TRIML2: variants seen among roughly 807,000 people sequenced by gnomAD.
TRIML2 encodes probable E3 ubiquitin-protein ligase TRIML2.
TRIML2 carries 28 observed loss-of-function variants against 31.2 expected under a neutral mutation model. The observed-to-expected ratio is 0.90, with a 90% CI of 0.66 to 1.23. TRIML2 has a LOEUF of 1.23. TRIML2 is among the 50% of genes most tolerant of loss of function. The pLI is 0.00. For missense variants in TRIML2, 536 were observed against 528.3 expected, an observed-to-expected ratio of 1.01 and a Z score of -0.14; for synonymous variants, 187 against 197.5, an observed-to-expected ratio of 0.95 and a Z score of 0.45.
intron 3 of TRIML2, 46 bp downstream of exon 3, chr4:188,104,791 A>C (rs1454941600): frequency 7.0e-7 from 1 of 1,429,736 alleles, no homozygotes; most frequent in Non-Finnish European, 9.9e-7. Flanking sequence ...TTCTAACAAC[A>C]TTACTGGTAA....
At chr4:188,104,627 T>G (rs1418405021) in intron 3 of TRIML2, among the ~76,000 whole-genome samples, 3 of 152,150 alleles carry the variant, frequency 2.0e-5, no homozygotes, top group Non-Finnish European at 2.9e-5. Flanking sequence ...CTTCCCAAAG[T>G]GCTGGGATTA....
chr4:188,101,130 G>A lies in TRIML2; in HGVS notation c.406C>T (p.Leu136=), dbSNP rs1210568275. The part of the protein sequence containing the change: ...RQQECISDLN[L]RETLLNQAIK... ...GCTTGATTCAGAAGGGTTTCTCTCA[G>A]GTTCAAGTCAGATATGCATTCCTGC... is the stretch of plus-strand genomic sequence containing the variant. The change falls in exon 4 of 8, where the codon CTG becomes TTG. Residue 136 remains leucine (L), a synonymous_variant. Coordinates refer to ENST00000682553, the MANE Select transcript of TRIML2 (RefSeq NM_173553.4). 1.2e-6 allele frequency: 2 copies of A among 1,613,654 alleles called. No homozygotes were observed. Among genetic ancestry groups the A allele is most frequent in the East Asian group, 2.2e-5 (1 of 44,850 alleles).
intron 4 of TRIML2, among the ~76,000 whole-genome samples, 169 bp from the exon 5 acceptor site, chr4:188,099,344 A>C (rs972937941): frequency 3.9e-5 from 6 of 152,184 alleles, no homozygotes; most frequent in Non-Finnish European, 8.8e-5. Context: ...AGGCCGGCGG[A>C]TCATGAGGTC....
At position 188,099,096 on chromosome 4, in the gene TRIML2, A is replaced by G. The variant is rs745485634; in HGVS notation, c.560T>C (p.Leu187Pro). 1.2e-5 allele frequency: 19 copies of G among 1,613,980 alleles called. No homozygotes were observed. The highest frequency in any genetic ancestry group is 1.6e-4 in the Middle Eastern group (1 of 6,084). Residue 187 changes from leucine to proline, a missense_variant, in exon 5 of 8, where the codon CTC becomes CCC. By Grantham distance (98) the Leu-to-Pro change is moderately conservative (BLOSUM62 -3). Transcript: ENST00000682553. ...EARASEQVRS[L>P]LKLIVELEKK... is the part of the protein sequence containing the mutation. ...CTCAAGCTCCACGATGAGCTTTAGG[A>G]GGCTGCGGACCTGTTCAGAAGCCCT...
Position 188,091,875 on chromosome 4 carries a change from A to G in TRIML2, c.812T>C (p.Met271Thr). The G allele has an allele frequency of 1.2e-6, 2 of 1,612,938 alleles. No homozygotes were observed. Among genetic ancestry groups the G allele is most frequent in the East Asian group, 2.2e-5 (1 of 44,840 alleles). Residue 271 changes from methionine to threonine, a missense_variant, in exon 8 of 8, where the codon ATG becomes ACG. Transcript: ENST00000682553. ...ATCCTGCTGCCCATGTCTCAATCTC[A>G]TAGTTCTCAGGTCCTCAGATAGTGC... ...CLALSEDLRT[M>T]RLRHGQQDGA...
intron 3 of TRIML2, among the ~76,000 whole-genome samples, chr4:188,103,760 GTTT>G (rs552547025): frequency 2.0e-5 from 3 of 151,866 alleles, no homozygotes; most frequent in Admixed American, 1.3e-4. Flanking sequence ...AGCAGAGCTG[GTTT>G]TTTTTGTTTT....
At chr4:188,103,366 A>G (rs920561812) in intron 3 of TRIML2, among the ~76,000 whole-genome samples, 5 of 152,148 alleles carry the variant, frequency 3.3e-5, no homozygotes, top group African/African-American at 9.7e-5. Flanking sequence ...ATGGAAGTTA[A>G]ATCATGTCAG....
Position 188,096,139 on chromosome 4 carries a change from C to T in TRIML2, c.745+922G>A, listed in dbSNP as rs189719467. 4.4e-3 allele frequency among the ~76,000 whole-genome samples: 673 copies of T among 152,314 alleles called. 16 individuals are homozygous for T. Among genetic ancestry groups the T allele is most frequent in the Non-Finnish European group, 8.2e-4 (56 of 68,038 alleles). ...TGCAGCCAGGCGTGGTGGCTCACGC[C>T]TGTAATCCCAGCACTTTGGGAGCCT... On this transcript the variant is annotated intron_variant, in intron 7 of 7. Coordinates refer to ENST00000682553, the MANE Select transcript of TRIML2 (RefSeq NM_173553.4).
At position 188,104,847 on chromosome 4, in the gene TRIML2, G is replaced by A. The variant is rs1464457758; in HGVS notation, c.275C>T (p.Ala92Val). 6.8e-6 allele frequency: 11 copies of A among 1,613,020 alleles called. No homozygotes were observed. Among genetic ancestry groups the A allele is most frequent in the African/African-American group, 5.3e-5 (4 of 74,800 alleles). The part of the protein sequence containing the change: ...SILTDEQERM[A>V]MIQEEEQNFK... ...TAAGCACTCACTGACCTGAATCATCGCCATTCTTTCTTGCTCATCAGTCAA... is the reference window on the plus strand; with the variant it reads ...TAAGCACTCACTGACCTGAATCATCACCATTCTTTCTTGCTCATCAGTCAA... The change falls in exon 3 of 8, where the codon GCG becomes GTG. Residue 92 changes from alanine to valine, a missense_variant. Physicochemically the swap from Ala to Val is moderately conservative, Grantham distance 64. Coordinates refer to ENST00000682553, the MANE Select transcript of TRIML2 (RefSeq NM_173553.4).
chr4:188,099,293 G>A (rs920525489), intron 4 of TRIML2, 118 bp from the exon 5 acceptor site: 20 of 1,337,610 alleles, frequency 1.5e-5, no homozygotes, highest in Admixed American at 7.1e-5. Flanking sequence ...TCGGTTGGGC[G>A]CAGTGGCTCA....
intron 3 of TRIML2, among the ~76,000 whole-genome samples, chr4:188,102,518 G>T (rs1208845332): frequency 1.3e-5 from 2 of 152,082 alleles, no homozygotes; most frequent in African/African-American, 4.8e-5. Context: ...TTTGAAAGTA[G>T]TCATCTTAGA....
In TRIML2 at chr4:188,097,363, A is replaced by C. The variant is rs1029309981; in HGVS notation, c.622-17T>G. On this transcript the variant is annotated splice_polypyrimidine_tract_variant and intron_variant, in intron 5 of 7. Transcript: ENST00000682553. ...TTTTGCATTCTAAGGGAAAGAAAAG[A>C]GACCAGGTTACTACTGGGTTTTTGA... The C allele has an allele frequency of 7.4e-6, 12 of 1,613,666 alleles. No homozygotes were observed. The highest frequency in any genetic ancestry group is 9.3e-6 in the Non-Finnish European group (11 of 1,179,842).
rs1469318638 is a variant in TRIML2 at position 188,091,640 on chromosome 4, C to G, written c.1047G>C (p.Glu349Asp). The G allele has an allele frequency of 6.2e-7, 1 of 1,614,028 alleles. No homozygotes were observed. The highest frequency in any genetic ancestry group is 1.1e-5 in the South Asian group (1 of 91,070). Residue 349 changes from glutamate (E) to aspartate (D), a missense_variant, in exon 8 of 8, where the codon GAG becomes GAC. Glu to Asp is a conservative substitution (Grantham distance 45). Coordinates refer to ENST00000682553, the MANE Select transcript of TRIML2 (RefSeq NM_173553.4). ...VLLTGSVMGTEWTLWVFPPLK... is the reference protein window; with the variant it reads ...VLLTGSVMGTDWTLWVFPPLK... ...GAGGGGGGAAGACCCAGAGAGTCCACTCGGTCCCCATCACCGACCCCGTGA... is the reference window on the plus strand; with the variant it reads ...GAGGGGGGAAGACCCAGAGAGTCCAGTCGGTCCCCATCACCGACCCCGTGA...
In TRIML2 at chr4:188,091,819, T is replaced by A; in HGVS notation, c.868A>T (p.Ser290Cys). Residue 290 changes from serine (S) to cysteine (C), a missense_variant, in exon 8 of 8, where the codon AGT (serine) becomes TGT (cysteine). Transcript: ENST00000682553. The part of the protein sequence containing the change: ...GAGNPERLDF[S>C]AMVLAAESFT... ...CTCTCCGCAGCCAGCACCATGGCAC[T>A]GAAATCCAATCTTTCTGGGTTGCCA... The A allele has an allele frequency of 6.2e-7, 1 of 1,614,202 alleles. No homozygotes were observed.
At chr4:188,102,108 C>T (rs532639024) in intron 3 of TRIML2, among the ~76,000 whole-genome samples, 4 of 136,682 alleles carry the variant, frequency 2.9e-5, no homozygotes, top group South Asian at 2.3e-4. Context: ...CCAGCCTGGG[C>T]GACAGAGGGA....
intron 1 of TRIML2, chr4:188,106,528 G>C: frequency 6.7e-6 from 1 of 149,776 alleles, no homozygotes; most frequent in South Asian, 2.0e-4. Flanking sequence ...TCGCGGGGGC[G>C]GCAGCCGGAA....
Position 188,091,290 on chromosome 4 carries a change from T to C in TRIML2, c.*83A>G. On this transcript the variant is annotated 3_prime_UTR_variant, in exon 8 of 8. Transcript: ENST00000682553. Reference sequence around the variant, plus strand: ...CTCCTACTCCTGGAACGCTTTTTATTGGGTTAGTTTACACAAATTCTTTCA... The same window carrying C: ...CTCCTACTCCTGGAACGCTTTTTATCGGGTTAGTTTACACAAATTCTTTCA... 7.4e-7 allele frequency: 1 copy of C among 1,351,774 alleles called. No individual in the cohort carries two copies. The highest frequency in any genetic ancestry group is 1.0e-6 in the Non-Finnish European group (1 of 981,648). The allele number at this position is 1,351,774 out of a possible 1,614,324, so 83.7% of individuals were successfully genotyped here. A position where few individuals can be genotyped will look rare whatever the true frequency, so the allele number is the denominator to read the frequency against.
rs374053520 is a variant in TRIML2 at position 188,101,906 on chromosome 4, G to A, written c.286-656C>T. Among the ~76,000 whole-genome samples the A allele has an allele frequency of 5.3e-5, 8 of 151,760 alleles. No individual in the cohort carries two copies. In the East Asian group the frequency reaches 7.8e-4, roughly 15 times the overall value. On this transcript the variant is annotated intron_variant, in intron 3 of 7. Transcript: ENST00000682553. ...AGCACTTTGGGAGGCCGAGGCAGGC[G>A]GATCACGAGGTCAGGAGATCGAGAC...
chr4:188,091,508 G>A lies in TRIML2; in HGVS notation c.1179C>T (p.Tyr393=), dbSNP rs1488364701. The change falls in exon 8 of 8, where the codon TAC becomes TAT. Residue 393 remains tyrosine, a synonymous_variant. Transcript: ENST00000682553. Reference sequence around the variant, plus strand: ...CTTGGAAGGCGCAATGGGAGAAATTGTAAATGAGGGACATCTCGGTCACAT... The same window carrying A: ...CTTGGAAGGCGCAATGGGAGAAATTATAAATGAGGGACATCTCGGTCACAT... ...FYNVTEMSLI[Y]NFSHCAFQGA... 3 of 1,614,166 alleles carry A rather than the reference G, an allele frequency of 1.9e-6. No homozygotes were observed. Among genetic ancestry groups the A allele is most frequent in the East Asian group, 4.5e-5 (2 of 44,876 alleles).
Sources: gnomAD v4.1 joint callset for allele counts (sites outside exome capture counted in the v4.1 genomes callset) on GRCh38, gnomAD v4.1.1 for gene constraint, MANE v1.5 for transcripts, NCBI Gene and HGNC (gene_info 2026-07-23, HGNC 2026-07-21) for gene names.